The following LYRM7 variants were observed in gnomAD, a reference collection of about 807,000 sequenced individuals.
LYRM7 encodes complex III assembly factor LYRM7.
LYRM7 carries 9 observed loss-of-function variants against 15.8 expected under a neutral mutation model. The ratio of observed to expected loss-of-function variants is 0.57; its 90% CI spans 0.34 to 0.99. The LOEUF (loss-of-function observed/expected upper bound fraction) is 0.99, where lower values mean the gene tolerates loss of function less well. Ranked by LOEUF, LYRM7 falls within the 50% of genes least tolerant of loss-of-function variation. LYRM7 has a pLI of 0.02. For synonymous variants in LYRM7, 39 were observed against 39.4 expected, an observed-to-expected ratio of 0.99 and a Z score of 0.04; for missense variants, 115 against 119.1, an observed-to-expected ratio of 0.97 and a Z score of 0.16.
rs1007531459 is a variant in LYRM7, at chr5:131,204,423, A to T, written c.*4822A>T. On this transcript the variant is annotated 3_prime_UTR_variant, in exon 5 of 5. Coordinates refer to ENST00000379380, the MANE Select transcript of LYRM7 (RefSeq NM_181705.4). ...GGTACAATGAAAGAAAAGGTGGCTT[A>T]TTTATACTCTGGAATATTTTCCAAG... The T allele has an allele frequency of 6.6e-6, 1 of 150,688 alleles. No individual in the cohort carries two copies. Among genetic ancestry groups the T allele is most frequent in the Non-Finnish European group, 1.5e-5 (1 of 67,670 alleles). The allele number at this position is 150,688 out of a possible 1,614,324, so 9.3% of individuals were successfully genotyped here. A position where few individuals can be genotyped will look rare whatever the true frequency, so the allele number is the denominator to read the frequency against.
intron 1 of LYRM7, among the ~76,000 whole-genome samples, chr5:131,172,230 A>G (rs954425484): frequency 2.0e-5 from 3 of 152,190 alleles, no homozygotes; most frequent in Non-Finnish European, 4.4e-5. Flanking sequence ...CCTAGGCAAC[A>G]TGGTGAAACC....
chr5:131,196,448 A>G (rs1561549233), intron 4 of LYRM7, among the ~76,000 whole-genome samples: 1 of 152,010 alleles, frequency 6.6e-6, no homozygotes. Context: ...TGTTACTTCC[A>G]AGAAAGTCAT....
intron 4 of LYRM7, among the ~76,000 whole-genome samples, chr5:131,192,032 TAC>T (rs60867142): frequency 0.1 from 12,992 of 127,148 alleles, 600 homozygotes; most frequent in East Asian, 0.19. Flanking sequence ...ATGTGGTGCA[TAC>T]ACACACACAC....
chr5:131,191,810 A>T (rs1275108317), intron 4 of LYRM7, among the ~76,000 whole-genome samples: 1 of 152,148 alleles, frequency 6.6e-6, no homozygotes, highest in Non-Finnish European at 1.5e-5. Context: ...GTAAATTAGG[A>T]TAGCCATTAT....
In LYRM7 at chr5:131,196,021, A is replaced by G. The variant is rs149469765; in HGVS notation, c.245-3510A>G. ...CAGGTAGTGAGTGGATGTATGCTAC[A>G]GATGGAAAGAAGGATTTATATGCAT... On this transcript the variant is annotated intron_variant, in intron 4 of 4. Coordinates refer to ENST00000379380, the MANE Select transcript of LYRM7 (RefSeq NM_181705.4). Among the ~76,000 whole-genome samples the G allele has an allele frequency of 2.6e-5, 4 of 152,238 alleles. No homozygotes were observed. In the East Asian group the frequency reaches 7.7e-4, roughly 29 times the overall value.
intron 4 of LYRM7, among the ~76,000 whole-genome samples, chr5:131,193,701 A>T (rs184159359): frequency 6.6e-6 from 1 of 152,242 alleles, no homozygotes; most frequent in Non-Finnish European, 1.5e-5. Context: ...TGAGATAAAG[A>T]CTTTATTTCA....
intron 1 of LYRM7, among the ~76,000 whole-genome samples, chr5:131,173,465 G>T (rs1755553214): frequency 6.6e-6 from 1 of 152,190 alleles, no homozygotes; most frequent in South Asian, 2.1e-4. Flanking sequence ...ACATATGTTG[G>T]CTGGGAAAGG....
Position 131,200,219 on chromosome 5 carries a change from A to G in LYRM7, c.*618A>G, listed in dbSNP as rs1399897852. 6.6e-6 allele frequency: 1 copy of G among 152,320 alleles called. No individual in the cohort carries two copies. Among genetic ancestry groups the G allele is most frequent in the Non-Finnish European group, 1.5e-5 (1 of 68,028 alleles). The allele number at this position is 152,320 out of a possible 1,614,324, so 9.4% of individuals were successfully genotyped here. Reference sequence around the variant, plus strand: ...AATAGATGAATAAAATATTATAGTCACCTAGGGTCACTATGGAATAAAGAA... The same window carrying G: ...AATAGATGAATAAAATATTATAGTCGCCTAGGGTCACTATGGAATAAAGAA... On this transcript the variant is annotated 3_prime_UTR_variant, in exon 5 of 5. Transcript: ENST00000379380.
intron 4 of LYRM7, among the ~76,000 whole-genome samples, chr5:131,191,978 A>G (rs998817960): frequency 1.3e-5 from 2 of 151,900 alleles, no homozygotes; most frequent in Non-Finnish European, 2.9e-5. Flanking sequence ...AATAACCAAG[A>G]TACGGAATCA....
chr5:131,182,440 T>C (rs1313179025), intron 3 of LYRM7, 141 bp downstream of exon 3: 5 of 813,964 alleles, frequency 6.1e-6, no homozygotes, highest in East Asian at 1.1e-4. Flanking sequence ...CCTTCACTTA[T>C]TTGGTATGGC....
At chr5:131,190,150 G>T (rs201849351) in intron 4 of LYRM7, among the ~76,000 whole-genome samples, 1 of 147,800 alleles carries the variant, frequency 6.8e-6, no homozygotes, top group Non-Finnish European at 1.5e-5. Context: ...AAAAAAAAAA[G>T]AAAAGAAAAA....
rs181223898 is a variant in LYRM7 at position 131,182,061 on chromosome 5, C to T, written c.92-168C>T. On this transcript the variant is annotated intron_variant, in intron 2 of 4. Coordinates refer to ENST00000379380, the MANE Select transcript of LYRM7 (RefSeq NM_181705.4). Reference sequence around the variant, plus strand: ...TACAAACTTGTCACCCTGTCAAAAGCTCTCCAAGAGACTTCATTAATAAAT... The same window carrying T: ...TACAAACTTGTCACCCTGTCAAAAGTTCTCCAAGAGACTTCATTAATAAAT... 4.9e-4 allele frequency among the ~76,000 whole-genome samples: 75 copies of T among 152,280 alleles called. 1 individual carries two copies. The highest frequency in any genetic ancestry group is 3.4e-3 in the Middle Eastern group (1 of 294).
chr5:131,195,871 C>A (rs75067305), intron 4 of LYRM7, among the ~76,000 whole-genome samples: 37 of 152,224 alleles, frequency 2.4e-4, no homozygotes, highest in African/African-American at 8.7e-4. Context: ...GCTTTTAAAG[C>A]CCCAAAGAAG....
At chr5:131,194,702 C>G (rs1755936488) in intron 4 of LYRM7, among the ~76,000 whole-genome samples, 1 of 152,150 alleles carries the variant, frequency 6.6e-6, no homozygotes, top group African/African-American at 2.4e-5. Flanking sequence ...AGTGTAGCAT[C>G]TTGTGTTCCA....
chr5:131,175,341 A>G (rs1380899859), intron 1 of LYRM7, among the ~76,000 whole-genome samples: 1 of 151,728 alleles, frequency 6.6e-6, no homozygotes, highest in Non-Finnish European at 1.5e-5. Flanking sequence ...CTGGGATTGC[A>G]GGCATGCACC....
rs1270100619 is a variant in LYRM7 at position 131,191,151 on chromosome 5, C to CTG, written c.244+4054_244+4055dup. Among the ~76,000 whole-genome samples, 47 of 150,396 alleles carry CTG rather than the reference C, an allele frequency of 3.1e-4. 1 individual carries two copies. The highest frequency in any genetic ancestry group is 2.1e-4 in the South Asian group (1 of 4,742). ...TGCCTTAATAATAGCCTCATTCTTT[C>CTG]TGTGTGTGTGTGTATATATATGTAT... On this transcript the variant is annotated intron_variant, in intron 4 of 4. Coordinates refer to ENST00000379380, the MANE Select transcript of LYRM7 (RefSeq NM_181705.4).
intron 4 of LYRM7, among the ~76,000 whole-genome samples, chr5:131,194,956 T>C (rs1157007897): frequency 6.6e-6 from 1 of 152,014 alleles, no homozygotes; most frequent in African/African-American, 2.4e-5. Flanking sequence ...CACTTCCTGG[T>C]GATATGAGTT....
At chr5:131,183,191 C>G (rs1305962482) in intron 3 of LYRM7, among the ~76,000 whole-genome samples, 1 of 151,846 alleles carries the variant, frequency 6.6e-6, no homozygotes, top group Non-Finnish European at 1.5e-5. Context: ...TAGTAAATAC[C>G]TTTAATAATG....
chr5:131,198,998 T>C (rs1233006912), intron 4 of LYRM7, among the ~76,000 whole-genome samples: 1 of 152,216 alleles, frequency 6.6e-6, no homozygotes, highest in African/African-American at 2.4e-5. Context: ...GACAGGACAG[T>C]TCTTCACTAT....
Sources: allele counts gnomAD v4.1 joint callset (sites outside exome capture counted in the v4.1 genomes callset), GRCh38; gene constraint gnomAD v4.1.1; transcripts MANE v1.5; gene names NCBI Gene and HGNC (gene_info 2026-07-23, HGNC 2026-07-21).